The following PCDHGA5 variants were observed in gnomAD, a reference collection of about 807,000 sequenced individuals.
PCDHGA5 encodes the protein protocadherin gamma-A5.
A neutral mutation model predicts 56.7 loss-of-function variants in PCDHGA5; 36 were observed. That is an observed-to-expected ratio of 0.64 (90% CI 0.49 to 0.84). The LOEUF (loss-of-function observed/expected upper bound fraction) is 0.84, where lower values mean the gene tolerates loss of function less well. PCDHGA5 is among the 40% of genes least tolerant of loss of function. The probability of loss-of-function intolerance (pLI) is 0.00; values close to 1 mark genes in which losing one functional copy is unlikely to be tolerated. For missense variants in PCDHGA5, 1,305 were observed against 1,201.5 expected, an observed-to-expected ratio of 1.09 and a Z score of -1.27; for synonymous variants, 563 against 520.2, an observed-to-expected ratio of 1.08 and a Z score of -1.12.
At chr5:141,466,348 G>A (rs2099120992) in intron 1 of PCDHGA5, among the ~76,000 whole-genome samples, 2 of 151,876 alleles carry the variant, frequency 1.3e-5, no homozygotes, top group Admixed American at 6.6e-5. Context: ...TTTTTTTGCA[G>A]CTAATCTAGA....
At chr5:141,474,803 T>C (rs1383027398) in intron 1 of PCDHGA5, among the ~76,000 whole-genome samples, 1 of 152,250 alleles carries the variant, frequency 6.6e-6, no homozygotes, top group Non-Finnish European at 1.5e-5. Context: ...ATGGAGTGGT[T>C]TGCATCATTA....
At chr5:141,478,050 C>G (rs2099429383) in intron 1 of PCDHGA5, 2 of 1,614,184 alleles carry the variant, frequency 1.2e-6, no homozygotes, top group South Asian at 2.2e-5. Context: ...CAGACTCTCA[C>G]GGTCTTGATC....
intron 1 of PCDHGA5, chr5:141,397,927 G>C: frequency 1.3e-6 from 1 of 764,054 alleles, no homozygotes. Flanking sequence ...TCCTCGCGCA[G>C]CCGCAGCGCG....
Position 141,419,399 on chromosome 5 carries a change from G to C in PCDHGA5, c.2421+52648G>C, listed in dbSNP as rs893535249. On this transcript the variant is annotated intron_variant, in intron 1 of 3. Coordinates refer to ENST00000518069, the MANE Select transcript of PCDHGA5 (RefSeq NM_018918.3). ...GTCCGTGAGCGCGCAGAGCGGGGTG[G>C]TGTTCGCGCAGCGCGCCTTCGACCA... 1.7e-5 allele frequency: 28 copies of C among 1,613,470 alleles called. No individual in the cohort carries two copies. Among genetic ancestry groups the C allele is most frequent in the Admixed American group, 1.7e-5 (1 of 60,014 alleles).
At chr5:141,418,933 G>A in intron 1 of PCDHGA5, 2 of 1,614,010 alleles carry the variant, frequency 1.2e-6, no homozygotes, top group Non-Finnish European at 1.7e-6. Flanking sequence ...AGATTATGGA[G>A]GATTCCCCTC....
intron 1 of PCDHGA5, among the ~76,000 whole-genome samples, chr5:141,381,931 G>A (rs1032910832): frequency 6.3e-5 from 9 of 143,684 alleles, no homozygotes; most frequent in African/African-American, 2.3e-4. Context: ...CCGGGTTCAA[G>A]CGATTTTCCT....
intron 1 of PCDHGA5, chr5:141,478,841 A>G (rs1335486924): frequency 1.4e-5 from 19 of 1,405,590 alleles, no homozygotes; most frequent in Non-Finnish European, 1.8e-5. Flanking sequence ...GGGATGGTTA[A>G]GCTAAAACAC....
Position 141,490,446 on chromosome 5 carries a change from C to T in PCDHGA5, c.2422-4361C>T, listed in dbSNP as rs779502898. 2.5e-6 allele frequency: 4 copies of T among 1,614,196 alleles called. No homozygotes were observed. The highest frequency in any genetic ancestry group is 3.4e-6 in the Non-Finnish European group (4 of 1,180,016). ...CATTTCAGATTAAGCCTTCTGAGAA[C>T]CACTACTCGCTGCTAACCAGCCAGC... On this transcript the variant is annotated intron_variant, in intron 1 of 3. Coordinates refer to ENST00000518069, the MANE Select transcript of PCDHGA5 (RefSeq NM_018918.3). The surrounding 1 kb of genome is among the most constrained non-coding windows in gnomAD (Gnocchi z 5.4).
intron 1 of PCDHGA5, chr5:141,400,182 G>C (rs754765633): frequency 3.7e-6 from 6 of 1,614,072 alleles, no homozygotes; most frequent in Non-Finnish European, 5.1e-6. Flanking sequence ...CTGAGCTGCA[G>C]TTTTACCTAG....
At chr5:141,424,894 T>C (rs868851823) in intron 1 of PCDHGA5, among the ~76,000 whole-genome samples, 44 of 152,320 alleles carry the variant, frequency 2.9e-4, no homozygotes, top group African/African-American at 9.9e-4. Flanking sequence ...TCTAGGGTTT[T>C]TGATCACAGG....
intron 1 of PCDHGA5, among the ~76,000 whole-genome samples, chr5:141,474,705 A>C (rs114026580): frequency 0.01 from 1,561 of 152,324 alleles, 35 homozygotes; most frequent in African/African-American, 0.035. Context: ...TCAAGGTTCT[A>C]TTATACTTCA....
chr5:141,447,864 T>A (rs2098553913), intron 1 of PCDHGA5, among the ~76,000 whole-genome samples: 1 of 152,098 alleles, frequency 6.6e-6, no homozygotes, highest in Non-Finnish European at 1.5e-5. Context: ...GGTGGGTGAA[T>A]CATCTGAGGT....
At chr5:141,399,341 C>T in intron 1 of PCDHGA5, 2 of 1,613,938 alleles carry the variant, frequency 1.2e-6, no homozygotes, top group Non-Finnish European at 1.7e-6. Context: ...ACAGATGGAA[C>T]CCTAGACCGA....
chr5:141,443,118 C>A (rs1474257262), intron 1 of PCDHGA5, among the ~76,000 whole-genome samples: 1 of 151,762 alleles, frequency 6.6e-6, no homozygotes, highest in Non-Finnish European at 1.5e-5. Flanking sequence ...GCTTTTCAAA[C>A]CAGATTAAGA....
intron 1 of PCDHGA5, among the ~76,000 whole-genome samples, chr5:141,472,030 G>A (rs2099269943): frequency 6.6e-6 from 1 of 152,030 alleles, no homozygotes; most frequent in African/African-American, 2.4e-5. Flanking sequence ...TATGTAGAAA[G>A]CTGTGAAAAG....
rs766164142 is a variant in PCDHGA5, at chr5:141,477,910, G to A, written c.2422-16897G>A. On this transcript the variant is annotated intron_variant, in intron 1 of 3. Transcript: ENST00000518069. The surrounding 1 kb of genome is among the most constrained non-coding windows in gnomAD (Gnocchi z 4.9). ...TGTCACGGGTGGTAGGCTGGGACGC[G>A]GATGCAGGGCACAATGCCTGGCTCT... 6.2e-7 allele frequency: 1 copy of A among 1,614,166 alleles called. No individual in the cohort carries two copies. Among genetic ancestry groups the A allele is most frequent in the Admixed American group, 1.7e-5 (1 of 60,020 alleles).
intron 1 of PCDHGA5, chr5:141,408,572 G>A (rs745760240): frequency 4.3e-6 from 7 of 1,614,048 alleles, no homozygotes; most frequent in East Asian, 2.2e-5. Flanking sequence ...TGTGGTGATT[G>A]AGGATGTTAA....
rs764919264 is a variant in PCDHGA5, at chr5:141,383,778, T to A, written c.2421+17027T>A. 2.5e-6 allele frequency: 4 copies of A among 1,614,004 alleles called. No individual in the cohort carries two copies. The South Asian group carries it at 4.4e-5, about 18-fold the overall frequency. ...CTCCTAAACTTCCAAAGATGTTTCA[T>A]CTGAACTCGCTTACAGGAGAAATAT... is the stretch of plus-strand genomic sequence containing the variant. On this transcript the variant is annotated intron_variant, in intron 1 of 3. Coordinates refer to ENST00000518069, the MANE Select transcript of PCDHGA5 (RefSeq NM_018918.3).
At position 141,393,516 on chromosome 5, in the gene PCDHGA5, A is replaced by G. The variant is rs368866192; in HGVS notation, c.2421+26765A>G. 1.5e-5 allele frequency: 24 copies of G among 1,614,046 alleles called. No homozygotes were observed. Among genetic ancestry groups the G allele is most frequent in the African/African-American group, 2.7e-5 (2 of 75,084 alleles). ...GCGCATCCACGTGACAGTGTTGGAT[A>G]CAAATGACAATGCCCCGGTTTTTCC... is the stretch of plus-strand genomic sequence containing the variant. On this transcript the variant is annotated intron_variant, in intron 1 of 3. Transcript: ENST00000518069.
Sources: allele counts gnomAD v4.1 joint callset (sites outside exome capture counted in the v4.1 genomes callset), GRCh38; gene constraint gnomAD v4.1.1; non-coding constraint Gnocchi (gnomAD v3.1); transcripts MANE v1.5; gene names NCBI Gene and HGNC (gene_info 2026-07-23, HGNC 2026-07-21).